Variants in NCOA2 observed in about 807,000 individuals in gnomAD.
The protein encoded by NCOA2 is class E basic helix-loop-helix protein 75.
Under a neutral mutation model 145.1 loss-of-function variants are expected in NCOA2, and 21 were observed. That is an observed-to-expected ratio of 0.14 (90% CI 0.10 to 0.21). The LOEUF (loss-of-function observed/expected upper bound fraction) is 0.21. NCOA2 is among the 10% of genes least tolerant of loss of function. NCOA2 has a pLI of 1.00. For synonymous variants in NCOA2, 619 were observed against 637.5 expected (o/e 0.97, Z 0.44); for missense variants, 1,472 against 1,837.6 (o/e 0.80, Z 3.64).
At chr8:70,121,002 T>C (rs576503212) in intron 22 of NCOA2, among the ~76,000 whole-genome samples, 4 of 152,198 alleles carry the variant, frequency 2.6e-5, no homozygotes, top group South Asian at 2.1e-4. Context: ...TTTGCTATCA[T>C]AGTATCATTC....
At chr8:70,443,237 C>T in the NCOA2 span, among the ~76,000 whole-genome samples, 24 of 151,468 alleles carry the variant, frequency 1.6e-4, no homozygotes, top group Admixed American at 1.1e-3. Flanking sequence ...TGGTGGGGGG[C>T]GCATGCCTGT....
chr8:70,267,303 A>G (rs1392019923), intron 2 of NCOA2, among the ~76,000 whole-genome samples: 1 of 152,182 alleles, frequency 6.6e-6, no homozygotes, highest in African/African-American at 2.4e-5. Context: ...TCATTCATGA[A>G]TCCAACAAAC....
At chr8:70,133,878 TAAC>T (rs1809440227) in intron 15 of NCOA2, among the ~76,000 whole-genome samples, 1 of 152,238 alleles carries the variant, frequency 6.6e-6, no homozygotes, top group Admixed American at 6.5e-5. Context: ...AATGCATTAA[TAAC>T]AACCTATTCT....
At chr8:70,435,424 CAAAAAAAAAAAAAA>C in the NCOA2 span, among the ~76,000 whole-genome samples, 5 of 20,152 alleles carry the variant, frequency 2.5e-4, no homozygotes, top group African/African-American at 8.7e-4. Flanking sequence ...GACTCCGTCT[CAAAAAAAAAAAAAA>C]AAAAAAAAAA....
chr8:70,306,609 G>A (rs1290790065), intron 1 of NCOA2, among the ~76,000 whole-genome samples: 5 of 152,206 alleles, frequency 3.3e-5, no homozygotes, highest in African/African-American at 1.2e-4. Context: ...GTCGGGCTCA[G>A]TGGCTTATGT....
At chr8:70,335,223 T>TG (rs763115663) in intron 1 of NCOA2, among the ~76,000 whole-genome samples, 101 of 150,400 alleles carry the variant, frequency 6.7e-4, no homozygotes, top group Middle Eastern at 3.4e-3. Context: ...CCATGATCTC[T>TG]GCTCACACTG....
At chr8:70,195,802 A>G (rs969502424) in intron 4 of NCOA2, among the ~76,000 whole-genome samples, 2 of 152,146 alleles carry the variant, frequency 1.3e-5, no homozygotes, top group Admixed American at 1.3e-4. Flanking sequence ...TTTCTTCCCA[A>G]TAGCTGCTTC....
chr8:70,211,924 G>C (rs1258607811), intron 4 of NCOA2, among the ~76,000 whole-genome samples: 2 of 151,952 alleles, frequency 1.3e-5, no homozygotes, highest in East Asian at 1.9e-4. Context: ...GGTGGTTGTG[G>C]TATGCAGCCC....
At chr8:70,123,385 GTA>G (rs1271116031) in intron 21 of NCOA2, among the ~76,000 whole-genome samples, 7 of 152,290 alleles carry the variant, frequency 4.6e-5, no homozygotes, top group Middle Eastern at 3.4e-3. Context: ...GGGCACGGTA[GTA>G]TGTGCCTATA....
At position 70,212,655 on chromosome 8, in the gene NCOA2, G is replaced by A. The variant is rs186384330; in HGVS notation, c.259+1248C>T. Among the ~76,000 whole-genome samples the A allele has an allele frequency of 1.9e-3, 290 of 152,312 alleles. 2 individuals carry two copies. In the Middle Eastern group the frequency reaches 0.034, roughly 18 times the overall value. On this transcript the variant is annotated intron_variant, in intron 4 of 22. Transcript: ENST00000452400. ...ATGCTAATAGGTAGCTAGGATTTGT[G>A]ACAGATAAGAGCAGACAGTTTCAGG... is the stretch of plus-strand genomic sequence containing the variant.
At chr8:70,294,408 T>A (rs531889927) in intron 2 of NCOA2, among the ~76,000 whole-genome samples, 2 of 152,252 alleles carry the variant, frequency 1.3e-5, no homozygotes, top group Admixed American at 1.3e-4. Flanking sequence ...CATATCATGT[T>A]TACAACAGAA....
chr8:70,357,341 A>G (rs944443216), intron 1 of NCOA2: 5 of 152,242 alleles, frequency 3.3e-5, no homozygotes, highest in Non-Finnish European at 7.3e-5. Flanking sequence ...GAAAACTACA[A>G]AACACGGCTG....
chr8:70,342,215 A>C (rs1419623309), intron 1 of NCOA2, among the ~76,000 whole-genome samples: 4 of 152,184 alleles, frequency 2.6e-5, no homozygotes, highest in African/African-American at 9.6e-5. Flanking sequence ...TTAAAATTCA[A>C]AATATCTGGA....
At chr8:70,270,151 C>T (rs1301242061) in intron 2 of NCOA2, among the ~76,000 whole-genome samples, 1 of 151,150 alleles carries the variant, frequency 6.6e-6, no homozygotes, top group East Asian at 1.9e-4. Context: ...CACTGCACTC[C>T]AGCCTGGGTG....
chr8:70,322,404 T>C (rs935944475), intron 1 of NCOA2, among the ~76,000 whole-genome samples: 4 of 152,150 alleles, frequency 2.6e-5, no homozygotes, highest in South Asian at 2.1e-4. Flanking sequence ...CAGAAAACTG[T>C]AGATTTCTAT....
At chr8:70,201,049 C>CTAA (rs1817831914) in intron 4 of NCOA2, among the ~76,000 whole-genome samples, 1 of 63,946 alleles carries the variant, frequency 1.6e-5, no homozygotes, top group Non-Finnish European at 2.7e-5. Flanking sequence ...GACTGTGTCT[C>CTAA]AAAAAAAAAA....
intron 1 of NCOA2, among the ~76,000 whole-genome samples, chr8:70,356,574 A>G (rs1809716486): frequency 6.6e-6 from 1 of 152,244 alleles, no homozygotes; most frequent in Non-Finnish European, 1.5e-5. Context: ...TTTAATAGTT[A>G]TAAATAAATA....
intron 2 of NCOA2, among the ~76,000 whole-genome samples, chr8:70,223,494 G>A (rs1820342378): frequency 6.6e-6 from 1 of 152,050 alleles, no homozygotes; most frequent in African/African-American, 2.4e-5. Context: ...AGGTTACTTA[G>A]CACATATTTC....
At chr8:70,342,682 A>G (rs1028640414) in intron 1 of NCOA2, among the ~76,000 whole-genome samples, 1 of 151,538 alleles carries the variant, frequency 6.6e-6, no homozygotes, top group African/African-American at 2.4e-5. Flanking sequence ...GGAGTGCCAG[A>G]ATACACATTA....
Sources: gnomAD v4.1 joint callset for allele counts (sites outside exome capture counted in the v4.1 genomes callset) on GRCh38, gnomAD v4.1.1 for gene constraint, MANE v1.5 for transcripts, NCBI Gene and HGNC (gene_info 2026-07-23, HGNC 2026-07-21) for gene names.